The following TNRC6B variants were observed in gnomAD, a reference collection of about 807,000 sequenced individuals.
The protein encoded by TNRC6B is trinucleotide repeat-containing gene 6B protein.
Under a neutral mutation model 203.6 loss-of-function variants are expected in TNRC6B, and 52 were observed. The observed-to-expected ratio is 0.26, with a 90% CI of 0.20 to 0.32. TNRC6B has a LOEUF of 0.32. Ranked by LOEUF, TNRC6B falls within the 10% of genes least tolerant of loss-of-function variation. TNRC6B has a pLI of 1.00. For synonymous variants in TNRC6B, 838 were observed against 845.7 expected (o/e 0.99, Z 0.16); for missense variants, 1,923 against 2,286.2 (o/e 0.84, Z 3.24).
At chr22:40,087,970 C>G (rs1230376393) in intron 1 of TNRC6B, among the ~76,000 whole-genome samples, 1 of 152,078 alleles carries the variant, frequency 6.6e-6, no homozygotes, top group Non-Finnish European at 1.5e-5. Context: ...CTGAGTTCAG[C>G]TTTTCTCTCC....
At chr22:40,185,347 C>T (rs1032968694) in intron 1 of TNRC6B, among the ~76,000 whole-genome samples, 16 of 152,130 alleles carry the variant, frequency 1.1e-4, no homozygotes, top group African/African-American at 3.9e-4. Flanking sequence ...CATACCTGTA[C>T]TATGCAGTGC....
At chr22:40,074,907 G>A (rs770551467) in intron 1 of TNRC6B, among the ~76,000 whole-genome samples, 17 of 152,118 alleles carry the variant, frequency 1.1e-4, no homozygotes, top group African/African-American at 1.7e-4. Flanking sequence ...GCAGGGAGCC[G>A]TGGTTGTACC....
intron 3 of TNRC6B, 131 bp from the exon 4 acceptor site, chr22:40,261,701 G>A (rs904414118): frequency 4.0e-5 from 31 of 773,376 alleles, no homozygotes; most frequent in African/African-American, 2.9e-4. Context: ...CCTTGAGCCC[G>A]AGTTCAAGAC....
chr22:40,329,523 G>A lies in TNRC6B; in HGVS notation c.*6282G>A, dbSNP rs1437897329. 1 of 151,930 alleles carries A rather than the reference G, an allele frequency of 6.6e-6. No individual in the cohort carries two copies. The allele number at this position is 151,930 out of a possible 1,614,324, so 9.4% of individuals were successfully genotyped here. A position where few individuals can be genotyped will look rare whatever the true frequency, so the allele number is the denominator to read the frequency against. ...TCAGCTCCAAGAATCTGTGAACATA[G>A]TAATAACAATAAAAATTCAACATCG... On this transcript the variant is annotated 3_prime_UTR_variant, in exon 23 of 23. Coordinates refer to ENST00000454349, the MANE Select transcript of TNRC6B (RefSeq NM_001162501.2).
At chr22:40,136,373 G>T (rs1317388613) in intron 3 of TNRC6B, among the ~76,000 whole-genome samples, 1 of 135,856 alleles carries the variant, frequency 7.4e-6, no homozygotes, top group Non-Finnish European at 1.6e-5. Context: ...TGTTTATCTT[G>T]TGTGTGTGTG....
intron 12 of TNRC6B, among the ~76,000 whole-genome samples, chr22:40,291,238 T>A (rs2070865806): frequency 6.6e-6 from 1 of 151,958 alleles, no homozygotes; most frequent in South Asian, 2.1e-4. Flanking sequence ...TACAAAAAAT[T>A]AGCCGGGCAT....
At chr22:40,304,271 G>T (rs1295634065) in intron 15 of TNRC6B, among the ~76,000 whole-genome samples, 4 of 152,164 alleles carry the variant, frequency 2.6e-5, no homozygotes, top group Admixed American at 2.6e-4. Flanking sequence ...AATCCTTACT[G>T]ATTCTTTTGT....
chr22:40,278,281 C>T (rs562042209), intron 9 of TNRC6B, among the ~76,000 whole-genome samples: 107 of 150,230 alleles, frequency 7.1e-4, no homozygotes, highest in African/African-American at 2.5e-3. Context: ...GGGACGAGGC[C>T]GGGCATGGTG....
chr22:40,296,326 ATTTTTTTT>A (rs951987835), intron 12 of TNRC6B, among the ~76,000 whole-genome samples: 1 of 125,462 alleles, frequency 8.0e-6, no homozygotes, highest in Non-Finnish European at 1.7e-5. Context: ...AGAATGGTGA[ATTTTTTTT>A]TTTTTTTTTT....
intron 12 of TNRC6B, among the ~76,000 whole-genome samples, chr22:40,300,172 AT>A (rs960261621): frequency 5.7e-4 from 87 of 151,708 alleles, no homozygotes; most frequent in African/African-American, 2.0e-3. Context: ...ATTGTCATCA[AT>A]TTTTTTTTCT....
intron 1 of TNRC6B, among the ~76,000 whole-genome samples, chr22:40,046,666 A>G (rs1213797493): frequency 7.8e-6 from 1 of 127,586 alleles, no homozygotes; most frequent in African/African-American, 3.1e-5. Context: ...TTTTTTTGAG[A>G]CAGAGTCTCA....
chr22:40,093,688 A>G (rs1168732378), intron 1 of TNRC6B, among the ~76,000 whole-genome samples: 1 of 152,226 alleles, frequency 6.6e-6, no homozygotes, highest in East Asian at 1.9e-4. Flanking sequence ...AATGGAGAAA[A>G]GTAGAAGAGT....
At chr22:40,202,537 A>T (rs1184003671) in intron 1 of TNRC6B, among the ~76,000 whole-genome samples, 1 of 152,114 alleles carries the variant, frequency 6.6e-6, no homozygotes, top group Non-Finnish European at 1.5e-5. Flanking sequence ...TCAGAAAGAG[A>T]CAACCCTTTT....
intron 1 of TNRC6B, among the ~76,000 whole-genome samples, chr22:40,221,761 CTTT>C (rs138030): frequency 7.4e-6 from 1 of 134,274 alleles, no homozygotes; most frequent in Non-Finnish European, 1.6e-5. Flanking sequence ...GCCCCCCCCC[CTTT>C]TTTTTTTTTG....
chr22:40,310,893 G>C lies in TNRC6B; in HGVS notation c.4335G>C (p.Leu1445=), dbSNP rs777266506. 3.7e-6 allele frequency: 6 copies of C among 1,612,154 alleles called. No homozygotes were observed. The highest frequency in any genetic ancestry group is 3.3e-5 in the South Asian group (3 of 90,702). The change falls in exon 17 of 23, where the codon CTG becomes CTC. Residue 1445 remains leucine, a synonymous_variant. Transcript: ENST00000454349. ...TTGATATCATCCCTGGTGACACACT[G>C]GGTGGCCATACGGGTCCTGCTGGTG... ...NQFDIIPGDT[L]GGHTGPAGDS...
intron 1 of TNRC6B, among the ~76,000 whole-genome samples, chr22:40,190,403 A>G (rs1355528545): frequency 6.6e-6 from 1 of 152,254 alleles, no homozygotes; most frequent in Non-Finnish European, 1.5e-5. Context: ...CAAGTAGGTT[A>G]TAAAACTTAC....
At chr22:40,295,195 G>GC (rs2035875761) in intron 12 of TNRC6B, among the ~76,000 whole-genome samples, 1 of 152,298 alleles carries the variant, frequency 6.6e-6, no homozygotes, top group Non-Finnish European at 1.5e-5. Context: ...GAAAAGATGG[G>GC]CCAAGCATGG....
intron 1 of TNRC6B, among the ~76,000 whole-genome samples, chr22:40,112,546 G>T (rs539935814): frequency 9.9e-5 from 15 of 152,160 alleles, no homozygotes; most frequent in Non-Finnish European, 1.8e-4. Context: ...CTGGCCCAGT[G>T]GCTGGATCTT....
chr22:40,280,533 T>C (rs1284606525), intron 10 of TNRC6B, among the ~76,000 whole-genome samples: 2 of 152,262 alleles, frequency 1.3e-5, no homozygotes, highest in Non-Finnish European at 1.5e-5. Flanking sequence ...TCTGTTGTTA[T>C]CTTTCCCCAG....
Sources: allele counts gnomAD v4.1 joint callset (sites outside exome capture counted in the v4.1 genomes callset), GRCh38; gene constraint gnomAD v4.1.1; transcripts MANE v1.5; gene names NCBI Gene and HGNC (gene_info 2026-07-23, HGNC 2026-07-21).